Variants in HCN2 observed in about 807,000 individuals in gnomAD.
The protein encoded by HCN2 is hyperpolarization activated cyclic nucleotide gated potassium and sodium channel 2, also known as potassium/sodium hyperpolarization-activated cyclic nucleotide-gated channel 2.
A neutral mutation model predicts 52.3 loss-of-function variants in HCN2; 20 were observed. The observed-to-expected ratio is 0.38, with a 90% CI of 0.27 to 0.56. The LOEUF (loss-of-function observed/expected upper bound fraction) is 0.56, where lower values mean the gene tolerates loss of function less well. Among genes scored for constraint, HCN2 ranks in the 20% least tolerant of loss-of-function variants. The probability of loss-of-function intolerance (pLI) is 0.71; values close to 1 mark genes in which losing one functional copy is unlikely to be tolerated. For synonymous variants in HCN2, 694 were observed against 537.0 expected (o/e 1.29, Z -4.04); for missense variants, 981 against 1,207.7 (o/e 0.81, Z 2.78).
At position 610,312 on chromosome 19, in the gene HCN2, C is replaced by T. The variant is rs767493175; in HGVS notation, c.1491C>T (p.Arg497=). ...TCCACAAGCTGCCAGCTGACTTCCG[C>T]CAGAAGATCCACGACTACTATGAGC... The part of the protein sequence containing the change: ...MSFHKLPADF[R]QKIHDYYEHR... Residue 497 remains arginine, a synonymous_variant, in exon 5 of 8, where the codon CGC becomes CGT. Transcript: ENST00000251287. 1.9e-6 allele frequency: 3 copies of T among 1,613,812 alleles called. No homozygotes were observed. The Admixed American group carries it at 5.0e-5, about 27-fold the overall frequency.
intron 1 of HCN2, among the ~76,000 whole-genome samples, chr19:595,955 G>C (rs903886433): frequency 6.6e-5 from 10 of 152,104 alleles, no homozygotes; most frequent in Non-Finnish European, 1.5e-4. Flanking sequence ...GGCTGCCCTC[G>C]CCCGTTCCCC....
Position 603,969 on chromosome 19 carries a change from T to G in HCN2, c.1056+2T>G, listed in dbSNP as rs1600525626. 140 of 1,248,100 alleles carry G rather than the reference T, an allele frequency of 1.1e-4. No homozygotes were observed. Among genetic ancestry groups the G allele is most frequent in the South Asian group, 5.6e-4 (30 of 53,480 alleles). The allele number at this position is 1,248,100 out of a possible 1,614,324, so 77.3% of individuals were successfully genotyped here. A position where few individuals can be genotyped will look rare whatever the true frequency, so the allele number is the denominator to read the frequency against. The stretch of plus-strand genomic sequence containing the variant: ...CGCTACATCCATCAGTGGGAGGAGG[T>G]GAGGTGGGGCGGGGGCGGGGCCAAG... On this transcript the variant is annotated splice_donor_variant, in intron 2 of 7. Coordinates refer to ENST00000251287, the MANE Select transcript of HCN2 (RefSeq NM_001194.4). LOFTEE classifies it high-confidence loss of function.
intron 2 of HCN2, among the ~76,000 whole-genome samples, chr19:604,718 C>T (rs925379165): frequency 2.8e-3 from 240 of 84,976 alleles, no homozygotes; most frequent in African/African-American, 4.2e-3. Flanking sequence ...TGGGGCAGGG[C>T]CAGACATCAG....
At chr19:596,915 T>C (rs532525917) in intron 1 of HCN2, among the ~76,000 whole-genome samples, 3 of 148,332 alleles carry the variant, frequency 2.0e-5, no homozygotes, top group South Asian at 4.3e-4. Context: ...GTGGAGAGGG[T>C]TGGGGTGCAC....
intron 4 of HCN2, 94 bp downstream of exon 4, chr19:608,276 G>A: frequency 8.5e-7 from 1 of 1,182,702 alleles, no homozygotes; most frequent in Non-Finnish European, 1.2e-6. Flanking sequence ...CCTGGGGTCT[G>A]ATGGAGGGAG....
rs1278212308 is a variant in HCN2, at chr19:590,327, C to G, written c.382C>G (p.Arg128Gly). 31 of 1,027,546 alleles carry G rather than the reference C, an allele frequency of 3.0e-5. No individual in the cohort carries two copies. The highest frequency in any genetic ancestry group is 2.3e-4 in the Admixed American group (4 of 17,356). The allele number at this position is 1,027,546 out of a possible 1,614,324, so 63.7% of individuals were successfully genotyped here. ...ARGPKVSFSCRGAASGPAPGP... is the reference protein window; with the variant it reads ...ARGPKVSFSCGGAASGPAPGP... ...GGGGCCCAAGGTGTCGTTCTCGTGC[C>G]GCGGGGCGGCCTCGGGGCCCGCGCC... Residue 128 changes from arginine (R) to glycine (G), a missense_variant, in exon 1 of 8, where the codon CGC (arginine) becomes GGC (glycine). Physicochemically the swap from Arg to Gly is moderately radical, Grantham distance 125 (BLOSUM62 -2). Around this residue, in one of 6 missense-constraint regions of HCN2, gnomAD observed 215 missense variants for 179.4 expected, o/e 1.20. Transcript: ENST00000251287. The surrounding 1 kb of genome is among the most constrained non-coding windows in gnomAD (Gnocchi z 7.2).
intron 5 of HCN2, among the ~76,000 whole-genome samples, 155 bp downstream of exon 5, chr19:610,560 G>T (rs922293387): frequency 6.6e-6 from 1 of 151,986 alleles, no homozygotes; most frequent in Non-Finnish European, 1.5e-5. Flanking sequence ...TCCCCTCCCC[G>T]CCCCGTGAGC....
intron 5 of HCN2, among the ~76,000 whole-genome samples, chr19:612,425 T>G (rs200375571): frequency 2.7e-5 from 3 of 109,422 alleles, no homozygotes; most frequent in East Asian, 3.0e-4. Flanking sequence ...TGTGTGTGTG[T>G]GTGAGAGAGA....
intron 7 of HCN2, among the ~76,000 whole-genome samples, chr19:614,642 GGAA>G (rs1568369436): frequency 1.3e-5 from 2 of 152,160 alleles, no homozygotes; most frequent in Non-Finnish European, 2.9e-5. Context: ...AGGAGGTTGG[GGAA>G]GAAGGGGAGG....
chr19:616,562 C>T lies in HCN2; in HGVS notation c.*88C>T, dbSNP rs987623949. ...CCATGCCATTGCGCTGCCCCGGCCG[C>T]CAGTCCGCCCAGAAGCCATAGACGA... is the stretch of plus-strand genomic sequence containing the variant. On this transcript the variant is annotated 3_prime_UTR_variant, in exon 8 of 8. Coordinates refer to ENST00000251287, the MANE Select transcript of HCN2 (RefSeq NM_001194.4). The T allele has an allele frequency of 1.8e-5, 14 of 777,314 alleles. No individual in the cohort carries two copies. Among genetic ancestry groups the T allele is most frequent in the African/African-American group, 1.3e-4 (7 of 53,304 alleles). The allele number at this position is 777,314 out of a possible 1,614,324, so 48.2% of individuals were successfully genotyped here.
chr19:614,140 G>A, intron 7 of HCN2, 124 bp downstream of exon 7: 1 of 725,142 alleles, frequency 1.4e-6, no homozygotes, highest in Admixed American at 3.5e-5. Context: ...CAGGGGCACG[G>A]TTGGGGCAGA....
intron 5 of HCN2, 67 bp downstream of exon 5, chr19:610,472 C>T: frequency 2.7e-6 from 4 of 1,467,126 alleles, no homozygotes; most frequent in Non-Finnish European, 3.8e-6. Flanking sequence ...CTCCTGGAGC[C>T]CAGGAGCCGG....
intron 5 of HCN2, 80 bp downstream of exon 5, chr19:610,485 C>T: frequency 7.5e-7 from 1 of 1,335,328 alleles, no homozygotes; most frequent in South Asian, 1.2e-5. Context: ...GGAGCCGGTC[C>T]CTGAGGGAGG....
chr19:590,024 CCGCCCG>C lies in HCN2; in HGVS notation c.85_90del (p.Ala29_Pro30del). 1.7e-6 allele frequency: 1 copy of C among 602,178 alleles called. No homozygotes were observed. Among genetic ancestry groups the C allele is most frequent in the Non-Finnish European group, 2.0e-6 (1 of 491,274 alleles). The allele number at this position is 602,178 out of a possible 1,614,324, so 37.3% of individuals were successfully genotyped here. A position where few individuals can be genotyped will look rare whatever the true frequency, so the allele number is the denominator to read the frequency against. On this transcript the variant is annotated inframe_deletion, in exon 1 of 8. Transcript: ENST00000251287. The surrounding 1 kb of genome is among the most constrained non-coding windows in gnomAD (Gnocchi z 7.2). ...CGCGCCGGGGCCGCCGCCGCCGCCG[CCGCCCG>C]CGCCCCCCCAACAGCAGCCGCCGCC... is the stretch of plus-strand genomic sequence containing the variant.
In HCN2 at chr19:589,898, G is replaced by C; in HGVS notation, c.-48G>C. 9.0e-6 allele frequency: 6 copies of C among 666,750 alleles called. No homozygotes were observed. The highest frequency in any genetic ancestry group is 1.1e-5 in the Non-Finnish European group (6 of 552,782). 41.3% of individuals were successfully genotyped at this position (666,750 alleles called of 1,614,324 possible). A position where few individuals can be genotyped will look rare whatever the true frequency, so the allele number is the denominator to read the frequency against. The stretch of plus-strand genomic sequence containing the variant: ...TCCCCCCTCCCTCGGGCTCCGGCCG[G>C]CGGCGGCGGCGGCGGCTCCGCTCCG... On this transcript the variant is annotated 5_prime_UTR_variant, in exon 1 of 8. Coordinates refer to ENST00000251287, the MANE Select transcript of HCN2 (RefSeq NM_001194.4).
In HCN2 at chr19:615,802, G is replaced by A; in HGVS notation, c.1998G>A (p.Lys666=). 9.9e-6 allele frequency: 16 copies of A among 1,611,648 alleles called. No homozygotes were observed. The highest frequency in any genetic ancestry group is 1.1e-5 in the Non-Finnish European group (13 of 1,179,620). The change falls in exon 8 of 8, where the codon AAG becomes AAA. Residue 666 remains lysine, a synonymous_variant. Transcript: ENST00000251287. ...AIDRLDRIGK[K]NSILLHKVQH... is the part of the protein sequence containing the mutation. The stretch of plus-strand genomic sequence containing the variant: ...ACGCCCCCTCTCCCGCAGGCAAGAA[G>A]AATTCCATCCTCCTGCACAAGGTGC...
rs1217487581 is a variant in HCN2, at chr19:590,733, G to A, written c.632+156G>A. On this transcript the variant is annotated intron_variant, in intron 1 of 7. Transcript: ENST00000251287. This position sits in a 1 kb window ranked among gnomAD's most constrained non-coding sequence, Gnocchi z 7.2. ...CTCGGGCGTGTCCGGGACCCGCCCC[G>A]GAGTGACCCCGGCGCGCGAGGCTCC... 2.2e-5 allele frequency: 10 copies of A among 460,496 alleles called. No homozygotes were observed. The highest frequency in any genetic ancestry group is 1.5e-4 in the Admixed American group (3 of 20,678). 28.5% of individuals were successfully genotyped at this position (460,496 alleles called of 1,614,324 possible).
intron 2 of HCN2, among the ~76,000 whole-genome samples, chr19:604,394 A>G (rs1380117006): frequency 7.9e-6 from 1 of 126,068 alleles, no homozygotes; most frequent in African/African-American, 3.3e-5. Context: ...CCAAGACAGC[A>G]GGGGTGGGGC....
chr19:615,450 C>T (rs1983855563), intron 7 of HCN2, among the ~76,000 whole-genome samples: 1 of 152,150 alleles, frequency 6.6e-6, no homozygotes, highest in African/African-American at 2.4e-5. Context: ...GGAGGTGGAC[C>T]TTGCAGTGGG....
Sources: gnomAD v4.1 joint callset for allele counts (sites outside exome capture counted in the v4.1 genomes callset) on GRCh38, gnomAD v4.1.1 for gene constraint, gnomAD v4.1.1 regional missense constraint, Gnocchi (gnomAD v3.1) non-coding constraint, MANE v1.5 for transcripts, NCBI Gene and HGNC (gene_info 2026-07-23, HGNC 2026-07-21) for gene names.